Variants in RBFOX1 observed in about 807,000 individuals in gnomAD.
RBFOX1 encodes the protein RNA binding fox-1 homolog 1, also known as RNA binding protein fox-1 homolog 1.
A neutral mutation model predicts 57.7 loss-of-function variants in RBFOX1; 8 were observed. The observed-to-expected ratio is 0.14, with a 90% CI of 0.08 to 0.25. RBFOX1 has a LOEUF of 0.25. Among genes scored for constraint, RBFOX1 ranks in the 10% least tolerant of loss-of-function variants. The pLI, the probability that RBFOX1 is intolerant of heterozygous loss-of-function variation, is 1.00. For missense variants in RBFOX1, 611 were observed against 548.5 expected, an observed-to-expected ratio of 1.11 and a Z score of -1.14; for synonymous variants, 326 against 222.4, an observed-to-expected ratio of 1.47 and a Z score of -4.15.
At chr16:7,576,193 G>A (rs1404252296) in intron 5 of RBFOX1, among the ~76,000 whole-genome samples, 1 of 151,910 alleles carries the variant, frequency 6.6e-6, no homozygotes, top group East Asian at 1.9e-4. Context: ...CAAAGTGCTG[G>A]GATTACAGGC....
chr16:6,798,390 A>T (rs1023811856), intron 3 of RBFOX1, among the ~76,000 whole-genome samples: 24 of 152,302 alleles, frequency 1.6e-4, no homozygotes, highest in African/African-American at 2.2e-4. Flanking sequence ...GAGACAGAAG[A>T]AGTAGAGGCT....
chr16:7,168,544 A>G (rs748612417), intron 4 of RBFOX1, among the ~76,000 whole-genome samples: 58 of 152,214 alleles, frequency 3.8e-4, no homozygotes, highest in Non-Finnish European at 6.6e-4. Context: ...ATTAAGTTGC[A>G]GAAAAATGGC....
chr16:6,204,202 C>T (rs1437465977), intron 1 of RBFOX1, among the ~76,000 whole-genome samples: 1 of 152,082 alleles, frequency 6.6e-6, no homozygotes, highest in Admixed American at 6.6e-5. Flanking sequence ...CATCTTTCAC[C>T]AAATTCTTCA....
chr16:7,479,269 A>G (rs540350811), intron 4 of RBFOX1, among the ~76,000 whole-genome samples: 14 of 151,992 alleles, frequency 9.2e-5, no homozygotes, highest in Non-Finnish European at 1.2e-4. Flanking sequence ...GATTACAGGC[A>G]TGCACCACCA....
intron 14 of RBFOX1, among the ~76,000 whole-genome samples, chr16:7,691,476 G>A (rs2077319605): frequency 6.6e-6 from 1 of 151,924 alleles, no homozygotes; most frequent in South Asian, 2.1e-4. Context: ...GGTAGGAGAG[G>A]AAAAGAGGAA....
rs192613356 is a variant in RBFOX1 at position 5,779,723 on chromosome 16, G to C, written c.319-87580G>C. Among the ~76,000 whole-genome samples the C allele has an allele frequency of 4.6e-5, 7 of 152,282 alleles. No homozygotes were observed. The East Asian group carries it at 5.8e-4, about 13-fold the overall frequency. ...CCAACCCAAGTGGAATGATGGGATT[G>C]TATTGCCCTGATATTTGGCCTTGGC... On this transcript the variant is annotated intron_variant, in intron 3 of 19. Transcript: ENST00000641259.
At chr16:6,067,073 A>G (rs570725411) in intron 1 of RBFOX1, among the ~76,000 whole-genome samples, 1 of 152,274 alleles carries the variant, frequency 6.6e-6, no homozygotes, top group African/African-American at 2.4e-5. Context: ...TGGGAAATGC[A>G]ATGGAAAAGT....
Position 6,829,481 on chromosome 16 carries a change from TAAA to T in RBFOX1, c.-16+174843_-16+174845del, listed in dbSNP as rs35754742. 4.4e-5 allele frequency among the ~76,000 whole-genome samples: 6 copies of T among 135,668 alleles called. No individual in the cohort carries two copies. In the South Asian group the frequency reaches 1.2e-3, roughly 28 times the overall value. The allele number at this position is 135,668 out of a possible 152,430, so 89.0% of individuals were successfully genotyped here. Reference sequence around the variant, plus strand: ...ATGCAATGAAATACCACTCAACCATTAAAAAAAAAAAAAACAAAAAAACGTTAA... The same window carrying T: ...ATGCAATGAAATACCACTCAACCATTAAAAAAAAAAACAAAAAAACGTTAA... On this transcript the variant is annotated intron_variant, in intron 3 of 15. Transcript: ENST00000550418.
chr16:7,599,845 C>G (rs2094919011), intron 9 of RBFOX1, among the ~76,000 whole-genome samples: 2 of 151,536 alleles, frequency 1.3e-5, no homozygotes, highest in African/African-American at 4.9e-5. Context: ...CCAAGTTGCC[C>G]AGGCTGGTCT....
chr16:5,351,016 G>A (rs1157138798), intron 1 of RBFOX1, among the ~76,000 whole-genome samples: 2 of 152,096 alleles, frequency 1.3e-5, no homozygotes, highest in Non-Finnish European at 2.9e-5. Context: ...GAAGGCAATC[G>A]TTCACCCACC....
chr16:5,901,149 G>A lies in RBFOX1; in HGVS notation c.351+33814G>A, dbSNP rs145439137. The stretch of plus-strand genomic sequence containing the variant: ...AGTCTGGCGTCTCAGCAGCAGCCCA[G>A]TCATGTTCGTCTCCCTGGACCCTCT... On this transcript the variant is annotated intron_variant, in intron 4 of 19. Coordinates refer to the RBFOX1 transcript ENST00000641259. Among the ~76,000 whole-genome samples, 295 of 152,282 alleles carry A rather than the reference G, an allele frequency of 1.9e-3. 2 individuals are homozygous for A. The highest frequency in any genetic ancestry group is 6.6e-3 in the African/African-American group (274 of 41,566).
At position 6,822,640 on chromosome 16, in the gene RBFOX1, A is replaced by G. The variant is rs140284422; in HGVS notation, c.-16+167990A>G. ...CAGATGAAGCTGCTCATAAGGTATGAGGTTAGACAACCCCATGCTAATTCA... is the reference window on the plus strand; with the variant it reads ...CAGATGAAGCTGCTCATAAGGTATGGGGTTAGACAACCCCATGCTAATTCA... On this transcript the variant is annotated intron_variant, in intron 3 of 15. Transcript: ENST00000550418. Among the ~76,000 whole-genome samples, 632 of 152,302 alleles carry G rather than the reference A, an allele frequency of 4.1e-3. 7 individuals carry two copies. The highest frequency in any genetic ancestry group is 0.015 in the African/African-American group (614 of 41,552).
intron 4 of RBFOX1, among the ~76,000 whole-genome samples, chr16:7,326,358 G>A (rs118149427): frequency 6.6e-6 from 1 of 152,244 alleles, no homozygotes; most frequent in East Asian, 1.9e-4. Context: ...GGAAGACCTG[G>A]CATATGACTG....
At chr16:7,586,749 G>A (rs2094147052) in intron 6 of RBFOX1, among the ~76,000 whole-genome samples, 1 of 152,206 alleles carries the variant, frequency 6.6e-6, no homozygotes, top group Non-Finnish European at 1.5e-5. Context: ...TGCCTAGATA[G>A]TGGAGTTTGC....
intron 2 of RBFOX1, among the ~76,000 whole-genome samples, chr16:6,371,709 C>A (rs750313746): frequency 2.0e-5 from 3 of 152,032 alleles, no homozygotes; most frequent in African/African-American, 7.2e-5. Context: ...CTTCTGGACC[C>A]TCTAAATAGA....
intron 4 of RBFOX1, among the ~76,000 whole-genome samples, chr16:7,409,088 G>A (rs924294220): frequency 2.6e-5 from 4 of 152,124 alleles, no homozygotes; most frequent in South Asian, 2.1e-4. Flanking sequence ...AGCTTTTCCC[G>A]ATAACCCTGA....
At chr16:7,293,679 T>C (rs963324755) in intron 4 of RBFOX1, among the ~76,000 whole-genome samples, 1 of 152,176 alleles carries the variant, frequency 6.6e-6, no homozygotes, top group Non-Finnish European at 1.5e-5. Context: ...ATTGTCTGTT[T>C]GCCGAGGTGA....
intron 4 of RBFOX1, among the ~76,000 whole-genome samples, chr16:7,243,646 C>G (rs757042456): frequency 2.6e-5 from 4 of 152,078 alleles, no homozygotes; most frequent in Admixed American, 6.6e-5. Flanking sequence ...TTCTGGGGCT[C>G]AAGTGATCCT....
At chr16:7,172,601 A>T (rs1466618403) in intron 4 of RBFOX1, among the ~76,000 whole-genome samples, 1 of 151,508 alleles carries the variant, frequency 6.6e-6, no homozygotes, top group South Asian at 2.1e-4. Flanking sequence ...ATATTGGAGA[A>T]AAAAAAAAGA....
Sources: allele counts gnomAD v4.1 joint callset (sites outside exome capture counted in the v4.1 genomes callset), GRCh38; gene constraint gnomAD v4.1.1; transcripts MANE v1.5; gene names NCBI Gene and HGNC (gene_info 2026-07-23, HGNC 2026-07-21).